LYPLAL1: variants seen among roughly 807,000 people sequenced by gnomAD.
LYPLAL1 encodes the protein lysophospholipase like 1, also known as lysophospholipase-like protein 1.
In LYPLAL1, 23 loss-of-function variants were observed where a neutral mutation model predicts 19.7. The observed-to-expected ratio is 1.17, with a 90% CI of 0.84 to 1.65. The LOEUF (loss-of-function observed/expected upper bound fraction) is 1.65, where lower values mean the gene tolerates loss of function less well. LYPLAL1 is among the 40% of genes most tolerant of loss of function. The probability of loss-of-function intolerance (pLI) is 0.00; values close to 1 mark genes in which losing one functional copy is unlikely to be tolerated. For missense variants in LYPLAL1, 355 were observed against 279.4 expected (o/e 1.27, Z -1.93); for synonymous variants, 119 against 96.3 (o/e 1.24, Z -1.38).
chr1:219,267,525 A>G, the LYPLAL1 span, among the ~76,000 whole-genome samples: 3 of 152,198 alleles, frequency 2.0e-5, no homozygotes, highest in African/African-American at 7.2e-5. Flanking sequence ...AAATATAACT[A>G]CGTCTGGGAA....
chr1:219,390,644 T>G, the LYPLAL1 span, among the ~76,000 whole-genome samples: 8,495 of 152,266 alleles, frequency 0.056, 337 homozygotes, highest in South Asian at 0.088. Flanking sequence ...GTTAGGTCTT[T>G]TTGCTCATTT....
At chr1:219,309,099 G>A in the LYPLAL1 span, among the ~76,000 whole-genome samples, 2 of 152,188 alleles carry the variant, frequency 1.3e-5, no homozygotes, top group African/African-American at 4.8e-5. Flanking sequence ...CTGGAGTCAA[G>A]GGCGATCATT....
the LYPLAL1 span, among the ~76,000 whole-genome samples, chr1:219,415,719 C>G: frequency 6.6e-6 from 1 of 152,184 alleles, no homozygotes; most frequent in African/African-American, 2.4e-5. Context: ...TCTTTTGTCT[C>G]CCAGTTCTAG....
chr1:219,410,709 C>T, the LYPLAL1 span, among the ~76,000 whole-genome samples: 1 of 151,698 alleles, frequency 6.6e-6, no homozygotes, highest in Non-Finnish European at 1.5e-5. Flanking sequence ...GCTGGAGTTC[C>T]TGGTGGGCGT....
At chr1:219,358,835 C>A in the LYPLAL1 span, among the ~76,000 whole-genome samples, 1 of 149,880 alleles carries the variant, frequency 6.7e-6, no homozygotes, top group Admixed American at 6.7e-5. Flanking sequence ...TGTGTGTGTG[C>A]GTGTGTGTGT....
At chr1:219,259,131 G>A in the LYPLAL1 span, among the ~76,000 whole-genome samples, 4 of 151,980 alleles carry the variant, frequency 2.6e-5, no homozygotes, top group Non-Finnish European at 4.4e-5. Context: ...TGGTGTGGAT[G>A]TGGTGAAAAG....
chr1:219,215,306 T>A (rs190070822), downstream of LYPLAL1, among the ~76,000 whole-genome samples: 22 of 152,310 alleles, frequency 1.4e-4, no homozygotes, highest in Admixed American at 1.2e-3. Flanking sequence ...TTACTTGAAT[T>A]ATTTCGGACA....
chr1:219,258,196 G>A, the LYPLAL1 span, among the ~76,000 whole-genome samples: 1 of 152,010 alleles, frequency 6.6e-6, no homozygotes, highest in African/African-American at 2.4e-5. Context: ...TTTACAATCA[G>A]ATTTCATATT....
chr1:219,426,799 A>T, the LYPLAL1 span, among the ~76,000 whole-genome samples: 4 of 151,950 alleles, frequency 2.6e-5, no homozygotes, highest in African/African-American at 9.7e-5. Context: ...GGTTTTTGCC[A>T]TGTTGGCCAG....
chr1:219,300,530 C>CTTTTTTTTTTTTTTTTTTTTTTT, the LYPLAL1 span, among the ~76,000 whole-genome samples: 1 of 82,010 alleles, frequency 1.2e-5, no homozygotes, highest in Non-Finnish European at 2.2e-5. Flanking sequence ...TTTATCCTAA[C>CTTTTTTTTTTTTTTTTTTTTTTT]TTTTTTTTTT....
chr1:219,296,018 T>C, the LYPLAL1 span, among the ~76,000 whole-genome samples: 1 of 152,100 alleles, frequency 6.6e-6, no homozygotes, highest in Non-Finnish European at 1.5e-5. Context: ...TTCCCTCATT[T>C]CTCTCATTGG....
Position 219,211,661 on chromosome 1 carries a change from C to G in LYPLAL1, c.647C>G (p.Thr216Ser), listed in dbSNP as rs146719365. 718 of 1,613,062 alleles carry G rather than the reference C, an allele frequency of 4.5e-4. 3 individuals carry two copies. The highest frequency in any genetic ancestry group is 3.5e-3 in the South Asian group (318 of 91,008). The stretch of plus-strand genomic sequence containing the variant: ...AATGTTTACCATGAGCTAAGCAAAA[C>G]TGAGTTAGACATATTGAAGTTATGG... ...FPNVYHELSK[T>S]ELDILKLWIL... The change falls in exon 5 of 5, where the codon ACT becomes AGT. Residue 216 changes from threonine to serine, a missense_variant. By Grantham distance (58) the Thr-to-Ser change is moderately conservative. Transcript: ENST00000366928.
chr1:219,278,266 A>G, the LYPLAL1 span, among the ~76,000 whole-genome samples: 1 of 152,196 alleles, frequency 6.6e-6, no homozygotes, highest in East Asian at 1.9e-4. Context: ...GTAGAGAATC[A>G]AGCCTCTTTT....
rs780854535 is a variant in LYPLAL1, at chr1:219,193,150, GC to G, written c.263del (p.Pro88GlnfsTer17). ...WFDRFKITND[C>X]PEHLESIDVM... The stretch of plus-strand genomic sequence containing the variant: ...GACAGATTTAAAATAACCAATGACT[GC>G]CCAGAACACCTTGAATCAATTGATG... On this transcript the variant is annotated frameshift_variant, in exon 3 of 5. Transcript: ENST00000366928. LOFTEE classifies it high-confidence loss of function. 1.2e-6 allele frequency: 2 copies of G among 1,608,518 alleles called. No individual in the cohort carries two copies. Among genetic ancestry groups the G allele is most frequent in the South Asian group, 2.2e-5 (2 of 90,886 alleles).
chr1:219,222,419 A>G, the LYPLAL1 span: 1 of 152,174 alleles, frequency 6.6e-6, no homozygotes. Context: ...TGTTTGTCTC[A>G]GGGAAATCTC....
chr1:219,341,096 C>A, the LYPLAL1 span, among the ~76,000 whole-genome samples: 1 of 151,842 alleles, frequency 6.6e-6, no homozygotes, highest in Non-Finnish European at 1.5e-5. Flanking sequence ...TTGAATATTC[C>A]AAAGATAGGA....
chr1:219,191,710 A>G (rs1009507130), intron 2 of LYPLAL1, among the ~76,000 whole-genome samples: 1 of 151,544 alleles, frequency 6.6e-6, no homozygotes, highest in Admixed American at 6.6e-5. Context: ...TAAGATTGAC[A>G]TGAAAAACAT....
At chr1:219,420,356 A>C in the LYPLAL1 span, among the ~76,000 whole-genome samples, 2 of 152,232 alleles carry the variant, frequency 1.3e-5, no homozygotes, top group Non-Finnish European at 2.9e-5. Flanking sequence ...TATTAACCCG[A>C]ATAATTTGCA....
At chr1:219,223,647 T>C in the LYPLAL1 span, among the ~76,000 whole-genome samples, 4 of 152,188 alleles carry the variant, frequency 2.6e-5, no homozygotes, top group Non-Finnish European at 5.9e-5. Flanking sequence ...ATAGTGGATG[T>C]TTTGTTCTGA....
Sources: gnomAD v4.1 joint callset for allele counts (sites outside exome capture counted in the v4.1 genomes callset) on GRCh38, gnomAD v4.1.1 for gene constraint, MANE v1.5 for transcripts, NCBI Gene and HGNC (gene_info 2026-07-23, HGNC 2026-07-21) for gene names.